Variants in ROBO2 observed in about 807,000 individuals in gnomAD.
The protein encoded by ROBO2 is roundabout homolog 2.
ROBO2 carries 53 observed loss-of-function variants against 160.8 expected under a neutral mutation model. That is an observed-to-expected ratio of 0.33 (90% CI 0.26 to 0.41). ROBO2 has a LOEUF of 0.41. ROBO2 is among the 10% of genes least tolerant of loss of function. ROBO2 has a pLI of 1.00. For missense variants in ROBO2, 1,577 were observed against 1,722.4 expected (o/e 0.92, Z 1.49); for synonymous variants, 664 against 611.7 (o/e 1.09, Z -1.26).
At chr3:76,587,490 C>G (rs1161819410) in intron 2 of ROBO2, among the ~76,000 whole-genome samples, 1 of 152,114 alleles carries the variant, frequency 6.6e-6, no homozygotes, top group Admixed American at 6.5e-5. Flanking sequence ...CACATGCCAG[C>G]AGGACGGAGA....
intron 2 of ROBO2, among the ~76,000 whole-genome samples, chr3:76,441,858 C>T (rs1014779553): frequency 6.6e-6 from 1 of 152,214 alleles, no homozygotes; most frequent in African/African-American, 2.4e-5. Context: ...GTCCCACCAA[C>T]TTAACTTTCA....
intron 2 of ROBO2, among the ~76,000 whole-genome samples, chr3:76,075,278 G>A (rs1311540409): frequency 6.6e-6 from 1 of 151,830 alleles, no homozygotes; most frequent in Admixed American, 6.6e-5. Flanking sequence ...GAGGATGAAC[G>A]ATTGTGTCCT....
rs547869922 is a variant in ROBO2 at position 76,082,120 on chromosome 3, A to G, written c.109+144518A>G. Among the ~76,000 whole-genome samples the G allele has an allele frequency of 1.5e-4, 23 of 152,238 alleles. 1 individual carries two copies. In the South Asian group the frequency reaches 4.6e-3, roughly 30 times the overall value. On this transcript the variant is annotated intron_variant, in intron 2 of 26. Transcript: ENST00000487694. ...GAGCCGTATGCCCAAATAAATGTCA[A>G]TCACCGCCCTAAAGGTAGACTGATG...
chr3:77,546,242 C>A, intron 6 of ROBO2, 96 bp from the exon 8 acceptor site: 1 of 1,299,360 alleles, frequency 7.7e-7, no homozygotes, highest in Non-Finnish European at 1.1e-6. Context: ...CTCTCTCTGG[C>A]ACTGAACAGT....
chr3:76,431,589 A>G (rs1189552811), intron 2 of ROBO2, among the ~76,000 whole-genome samples: 2 of 152,102 alleles, frequency 1.3e-5, no homozygotes, highest in Admixed American at 1.3e-4. Flanking sequence ...TCCCAAGATA[A>G]TCTTTCGTAT....
intron 2 of ROBO2, among the ~76,000 whole-genome samples, chr3:76,336,175 C>T (rs559328809): frequency 6.6e-6 from 1 of 152,218 alleles, no homozygotes; most frequent in Non-Finnish European, 1.5e-5. Context: ...TTCTCATTGA[C>T]CTGGTTCCAA....
At chr3:76,349,292 A>G (rs947291882) in intron 2 of ROBO2, among the ~76,000 whole-genome samples, 1 of 152,168 alleles carries the variant, frequency 6.6e-6, no homozygotes, top group Non-Finnish European at 1.5e-5. Flanking sequence ...TTTGTTTTAT[A>G]TACTCCTATC....
chr3:77,470,275 G>A (rs1254144175), intron 2 of ROBO2, among the ~76,000 whole-genome samples: 3 of 152,146 alleles, frequency 2.0e-5, no homozygotes, highest in African/African-American at 7.2e-5. Context: ...TTGCATTTTA[G>A]CTAACTCATA....
chr3:76,037,974 C>G (rs1014238113), intron 2 of ROBO2, among the ~76,000 whole-genome samples: 4 of 151,984 alleles, frequency 2.6e-5, no homozygotes, highest in Non-Finnish European at 5.9e-5. Flanking sequence ...ATATGCAGAG[C>G]TTTGAAAGAG....
chr3:75,912,198 A>G (rs577906673), intron 1 of ROBO2, among the ~76,000 whole-genome samples: 6 of 152,332 alleles, frequency 3.9e-5, no homozygotes, highest in African/African-American at 1.2e-4. Context: ...GTGCTAGATC[A>G]CAGGACAAAG....
At chr3:76,129,332 T>C (rs1284565112) in intron 2 of ROBO2, among the ~76,000 whole-genome samples, 1 of 152,176 alleles carries the variant, frequency 6.6e-6, no homozygotes, top group African/African-American at 2.4e-5. Context: ...TAGAGAAGAA[T>C]TGCAAGATGG....
intron 2 of ROBO2, among the ~76,000 whole-genome samples, chr3:77,408,277 T>G (rs896417155): frequency 6.6e-6 from 1 of 152,200 alleles, no homozygotes; most frequent in Admixed American, 6.5e-5. Flanking sequence ...CTAAATTGTT[T>G]GTGCGTGTGT....
chr3:77,190,883 TA>T (rs2081775971), intron 2 of ROBO2, among the ~76,000 whole-genome samples: 1 of 152,042 alleles, frequency 6.6e-6, no homozygotes, highest in South Asian at 2.1e-4. Flanking sequence ...AATGGTTAGG[TA>T]ACCTTTTTAA....
At chr3:76,471,815 C>A (rs1346771371) in intron 2 of ROBO2, among the ~76,000 whole-genome samples, 6 of 152,016 alleles carry the variant, frequency 3.9e-5, no homozygotes, top group African/African-American at 1.4e-4. Context: ...GAAGGGGAAG[C>A]AAACACATCC....
At chr3:76,640,499 C>G (rs34443019) in intron 2 of ROBO2, among the ~76,000 whole-genome samples, 51,387 of 151,718 alleles carry the variant, frequency 0.34, 9,279 homozygotes, top group South Asian at 0.45. Flanking sequence ...CCTTGACACT[C>G]CATCCAGCCT....
At chr3:77,305,314 C>G (rs886862301) in intron 2 of ROBO2, among the ~76,000 whole-genome samples, 8 of 152,170 alleles carry the variant, frequency 5.3e-5, no homozygotes, top group Non-Finnish European at 1.2e-4. Flanking sequence ...TTTCAACTGC[C>G]CTTTTGGTAG....
intron 2 of ROBO2, among the ~76,000 whole-genome samples, chr3:77,168,554 T>C (rs1435253279): frequency 1.3e-5 from 2 of 152,224 alleles, no homozygotes; most frequent in Non-Finnish European, 2.9e-5. Context: ...CTTACTGTCA[T>C]AGTTACATGT....
chr3:75,963,257 G>A (rs942266207), intron 2 of ROBO2, among the ~76,000 whole-genome samples: 11 of 151,676 alleles, frequency 7.3e-5, no homozygotes, highest in African/African-American at 2.4e-4. Context: ...GTGCAATTAT[G>A]GCTCACTGTA....
chr3:77,195,876 G>T (rs907857885), intron 2 of ROBO2, among the ~76,000 whole-genome samples: 10 of 152,136 alleles, frequency 6.6e-5, no homozygotes, highest in African/African-American at 2.4e-4. Flanking sequence ...TTAAGGCTAG[G>T]CAAGTATTGC....
Sources: gnomAD v4.1 joint callset for allele counts (sites outside exome capture counted in the v4.1 genomes callset) on GRCh38, gnomAD v4.1.1 for gene constraint, MANE v1.5 for transcripts, NCBI Gene and HGNC (gene_info 2026-07-23, HGNC 2026-07-21) for gene names.